ETV6: variants seen among roughly 807,000 people sequenced by gnomAD.
ETV6 encodes transcription factor ETV6.
A neutral mutation model predicts 51.1 loss-of-function variants in ETV6; 16 were observed. The ratio of observed to expected loss-of-function variants is 0.31; its 90% confidence interval spans 0.21 to 0.48. The LOEUF (loss-of-function observed/expected upper bound fraction) is 0.48, where lower values mean the gene tolerates loss of function less well. Among genes scored for constraint, ETV6 ranks in the 20% least tolerant of loss-of-function variants. The probability of loss-of-function intolerance (pLI) is 0.99; values close to 1 mark genes in which losing one functional copy is unlikely to be tolerated. For synonymous variants in ETV6, 240 were observed against 224.1 expected (o/e 1.07, Z -0.64); for missense variants, 458 against 594.8 (o/e 0.77, Z 2.39).
chr12:11,677,285 CCT>C (rs1376157258), intron 1 of ETV6, among the ~76,000 whole-genome samples: 1 of 152,148 alleles, frequency 6.6e-6, no homozygotes, highest in Admixed American at 6.5e-5. Context: ...CCTCCTCCTG[CCT>C]CTCTCTCTGC....
intron 2 of ETV6, chr12:11,768,834 G>C (rs957604781): frequency 2.3e-6 from 1 of 441,318 alleles, no homozygotes; most frequent in African/African-American, 2.0e-5. Flanking sequence ...ACAGAAATCT[G>C]CCTACCACAT....
chr12:11,860,160 C>T (rs1173862714), intron 4 of ETV6, among the ~76,000 whole-genome samples: 4 of 152,102 alleles, frequency 2.6e-5, no homozygotes, highest in Non-Finnish European at 5.9e-5. Flanking sequence ...CTCTCTACAG[C>T]GGCTTAGTAG....
intron 1 of ETV6, among the ~76,000 whole-genome samples, chr12:11,680,924 C>T (rs926281279): frequency 2.0e-5 from 3 of 152,172 alleles, no homozygotes; most frequent in African/African-American, 7.2e-5. Flanking sequence ...TCTTTAAAAT[C>T]TTCTTTGCTT....
intron 4 of ETV6, among the ~76,000 whole-genome samples, chr12:11,864,155 T>C (rs914548921): frequency 6.6e-6 from 1 of 152,128 alleles, no homozygotes; most frequent in African/African-American, 2.4e-5. Flanking sequence ...GAGAGTGAAA[T>C]CTCTCCAGGA....
chr12:11,838,606 G>A (rs1946347858), intron 2 of ETV6, among the ~76,000 whole-genome samples: 1 of 152,226 alleles, frequency 6.6e-6, no homozygotes, highest in Admixed American at 6.5e-5. Context: ...AGAAGTTTCA[G>A]GGAACATTTC....
chr12:11,720,011 C>T (rs1334890773), intron 1 of ETV6, among the ~76,000 whole-genome samples: 1 of 152,218 alleles, frequency 6.6e-6, no homozygotes, highest in Non-Finnish European at 1.5e-5. Flanking sequence ...TCCCACCATG[C>T]AGGAAATGCC....
At chr12:11,679,298 A>G (rs1234854060) in intron 1 of ETV6, among the ~76,000 whole-genome samples, 1 of 152,202 alleles carries the variant, frequency 6.6e-6, no homozygotes, top group African/African-American at 2.4e-5. Context: ...GCAGCTATAT[A>G]GTAGAAGAAA....
chr12:11,797,882 GT>G, intron 2 of ETV6, among the ~76,000 whole-genome samples: 1 of 152,320 alleles, frequency 6.6e-6, no homozygotes, highest in East Asian at 1.9e-4. Flanking sequence ...AAAGATTTTA[GT>G]TCCGTGGTTC....
intron 2 of ETV6, among the ~76,000 whole-genome samples, chr12:11,836,943 G>C (rs1565545203): frequency 6.6e-6 from 1 of 152,238 alleles, no homozygotes; most frequent in Non-Finnish European, 1.5e-5. Flanking sequence ...AACTCCCTGT[G>C]TGAAGGAGAG....
intron 2 of ETV6, among the ~76,000 whole-genome samples, chr12:11,803,428 G>A (rs1945781135): frequency 6.6e-6 from 1 of 152,156 alleles, no homozygotes; most frequent in Admixed American, 6.5e-5. Flanking sequence ...AGTCAAAAGG[G>A]AGCTGCTTAT....
chr12:11,660,975 C>T (rs771144339), intron 1 of ETV6, among the ~76,000 whole-genome samples: 4 of 152,164 alleles, frequency 2.6e-5, no homozygotes, highest in Non-Finnish European at 5.9e-5. Flanking sequence ...GGATTGGATC[C>T]GTGGTGCATT....
intron 1 of ETV6, among the ~76,000 whole-genome samples, chr12:11,688,270 A>T (rs1864675685): frequency 6.6e-6 from 1 of 152,224 alleles, no homozygotes; most frequent in Non-Finnish European, 1.5e-5. Flanking sequence ...TTGGGGCATG[A>T]TTAAAGGGCC....
rs191103033 is a variant in ETV6 at position 11,838,426 on chromosome 12, C to A, written c.164-714C>A. 1.3e-4 allele frequency among the ~76,000 whole-genome samples: 20 copies of A among 152,330 alleles called. No individual in the cohort carries two copies. In the East Asian group the frequency reaches 2.7e-3, roughly 21 times the overall value. ...CTCTCAGCCCCTGCTCTGTACCCCC[C>A]TCCTGCCCACTTGGTTCCTACTCAG... On this transcript the variant is annotated intron_variant, in intron 2 of 7. Transcript: ENST00000396373.
At chr12:11,669,279 CTG>C (rs910907166) in intron 1 of ETV6, among the ~76,000 whole-genome samples, 1 of 152,126 alleles carries the variant, frequency 6.6e-6, no homozygotes, top group African/African-American at 2.4e-5. Flanking sequence ...ATCCAAAAGA[CTG>C]TGGGAGGAGG....
chr12:11,669,069 T>C (rs1864252821), intron 1 of ETV6, among the ~76,000 whole-genome samples: 1 of 152,206 alleles, frequency 6.6e-6, no homozygotes. Flanking sequence ...CATGCACACA[T>C]ATCTTTTTAA....
intron 1 of ETV6, among the ~76,000 whole-genome samples, chr12:11,650,939 C>A (rs1863894938): frequency 6.6e-6 from 1 of 152,188 alleles, no homozygotes; most frequent in African/African-American, 2.4e-5. Flanking sequence ...TCTGTAAATG[C>A]AGGGCGGTAG....
At chr12:11,839,549 G>A (rs376621431) in intron 3 of ETV6, among the ~76,000 whole-genome samples, 1 of 152,310 alleles carries the variant, frequency 6.6e-6, no homozygotes, top group South Asian at 2.1e-4. Context: ...TTAGTCCTAC[G>A]TACACTGGAA....
chr12:11,818,026 G>C (rs1402403614), intron 2 of ETV6, among the ~76,000 whole-genome samples: 1 of 152,210 alleles, frequency 6.6e-6, no homozygotes, highest in Non-Finnish European at 1.5e-5. Context: ...AAGCAAGTGT[G>C]TGAGCAAAGG....
chr12:11,839,930 G>A (rs1398871755), intron 3 of ETV6, among the ~76,000 whole-genome samples: 1 of 152,176 alleles, frequency 6.6e-6, no homozygotes, highest in Admixed American at 6.5e-5. Context: ...AAAAGAGATA[G>A]CTGAGAGTGA....
Sources: allele counts gnomAD v4.1 joint callset (sites outside exome capture counted in the v4.1 genomes callset), GRCh38; gene constraint gnomAD v4.1.1; transcripts MANE v1.5; gene names NCBI Gene and HGNC (gene_info 2026-07-23, HGNC 2026-07-21).